Variants in EXO1 observed in about 807,000 individuals in gnomAD.
The protein encoded by EXO1 is exonuclease 1.
A neutral mutation model predicts 84.5 loss-of-function variants in EXO1; 69 were observed. The observed-to-expected ratio is 0.82, with a 90% CI of 0.67 to 1.00. The LOEUF is 1.00. Among genes scored for constraint, EXO1 ranks in the 50% least tolerant of loss-of-function variants. EXO1 has a pLI of 0.00. For missense variants in EXO1, 1,045 were observed against 1,000.7 expected, an observed-to-expected ratio of 1.04 and a Z score of -0.60; for synonymous variants, 373 against 366.1, an observed-to-expected ratio of 1.02 and a Z score of -0.21.
chr1:241,873,752 T>C (rs903556206), intron 12 of EXO1, among the ~76,000 whole-genome samples: 1 of 152,100 alleles, frequency 6.6e-6, no homozygotes, highest in African/African-American at 2.4e-5. Flanking sequence ...GAATACGGTG[T>C]TTTGAGGGCG....
At chr1:241,859,813 A>C (rs1433048714) in intron 8 of EXO1, among the ~76,000 whole-genome samples, 3 of 152,210 alleles carry the variant, frequency 2.0e-5, no homozygotes, top group Non-Finnish European at 4.4e-5. Flanking sequence ...AACATCAAAG[A>C]AGCTCATTTT....
rs1425414134 is a variant in EXO1 at position 241,878,901 on chromosome 1, C to CCTA, written c.1667_1668insCTA (p.Ala556_Arg557insTer). 4 of 1,614,008 alleles carry CCTA rather than the reference C, an allele frequency of 2.5e-6. No homozygotes were observed. The African/African-American group carries it at 5.3e-5, about 22-fold the overall frequency. ...AAGAGACTGGTTGACACAGATGTAG[C>CCTA]ACGTAATTCAAGTGATGACATTCCG... is the stretch of plus-strand genomic sequence containing the variant. On this transcript the variant is annotated stop_gained and inframe_insertion, in exon 13 of 16. Transcript: ENST00000366548. LOFTEE classifies it high-confidence loss of function.
chr1:241,879,310 T>C lies in EXO1; in HGVS notation c.2076T>C (p.Leu692=). The change falls in exon 13 of 16, where the codon CTT becomes CTC. Residue 692 remains leucine (L), a synonymous_variant. Transcript: ENST00000366548. ...TGCAGAGTTCAAATGCATCAAAGCT[T>C]TCTCAGTGCTCTAGTAAGGACTCTG... is the stretch of plus-strand genomic sequence containing the variant. ...FSLQSSNASK[L]SQCSSKDSDS... 6.2e-7 allele frequency: 1 copy of C among 1,605,454 alleles called. No individual in the cohort carries two copies. The highest frequency in any genetic ancestry group is 8.5e-7 in the Non-Finnish European group (1 of 1,176,810).
At chr1:241,861,276 A>G (rs1339448355) in intron 9 of EXO1, 130 bp from the exon 10 acceptor site, 3 of 674,578 alleles carry the variant, frequency 4.4e-6, no homozygotes, top group African/African-American at 3.6e-5. Flanking sequence ...TGATGTATAA[A>G]GTAAGGAGAC....
At chr1:241,875,741 G>A (rs1353203350) in intron 12 of EXO1, among the ~76,000 whole-genome samples, 1 of 152,192 alleles carries the variant, frequency 6.6e-6, no homozygotes, top group South Asian at 2.1e-4. Flanking sequence ...AGCCGGGCGT[G>A]GTGGCGGGCG....
intron 10 of EXO1, among the ~76,000 whole-genome samples, chr1:241,864,405 A>G (rs1441981896): frequency 6.6e-6 from 1 of 152,210 alleles, no homozygotes; most frequent in Non-Finnish European, 1.5e-5. Flanking sequence ...CTTTTGTTTC[A>G]TCTCTGTTTT....
At chr1:241,865,150 G>A (rs1340310470) in intron 10 of EXO1, among the ~76,000 whole-genome samples, 3 of 150,110 alleles carry the variant, frequency 2.0e-5, no homozygotes, top group Non-Finnish European at 4.4e-5. Flanking sequence ...GGTTACACAT[G>A]TGGAGCCACC....
intron 11 of EXO1, among the ~76,000 whole-genome samples, chr1:241,871,135 C>G (rs556016445): frequency 6.6e-6 from 1 of 152,308 alleles, no homozygotes; most frequent in South Asian, 2.1e-4. Context: ...GTTGGGGACC[C>G]TGGAACACTT....
chr1:241,859,939 A>G (rs1479229358), intron 8 of EXO1, among the ~76,000 whole-genome samples: 1 of 152,190 alleles, frequency 6.6e-6, no homozygotes, highest in Non-Finnish European at 1.5e-5. Context: ...ATGTAATGGA[A>G]AGATCTCTAG....
chr1:241,874,241 G>C (rs377461400), intron 12 of EXO1, among the ~76,000 whole-genome samples: 4 of 152,100 alleles, frequency 2.6e-5, no homozygotes, highest in African/African-American at 9.7e-5. Context: ...CTTCCTAAAA[G>C]TACAAAACCT....
At chr1:241,882,719 A>G (rs1401007606) in intron 14 of EXO1, among the ~76,000 whole-genome samples, 1 of 152,168 alleles carries the variant, frequency 6.6e-6, no homozygotes, top group South Asian at 2.1e-4. Context: ...CATTTGTTTA[A>G]CCGTATGTTT....
intron 12 of EXO1, 86 bp downstream of exon 12, chr1:241,872,364 A>G: frequency 7.0e-7 from 1 of 1,427,684 alleles, no homozygotes; most frequent in South Asian, 1.2e-5. Context: ...GAATTAATTT[A>G]TTTATTATAC....
At chr1:241,869,819 C>A (rs1418373320) in intron 11 of EXO1, among the ~76,000 whole-genome samples, 1 of 140,154 alleles carries the variant, frequency 7.1e-6, no homozygotes, top group African/African-American at 2.7e-5. Flanking sequence ...TCCCTCCTTC[C>A]TTCCTTCCTT....
rs1410113071 is a variant in EXO1 at position 241,850,274 on chromosome 1, C to T, written c.-17-135C>T. On this transcript the variant is annotated intron_variant, in intron 3 of 15. Coordinates refer to ENST00000366548, the MANE Select transcript of EXO1 (RefSeq NM_130398.4). The stretch of plus-strand genomic sequence containing the variant: ...CCTCCTGGGCGAAAGAGCGAGACTC[C>T]GTCTCAAAAAAAAAAAAAAACAACA... 95 of 611,508 alleles carry T rather than the reference C, an allele frequency of 1.6e-4. No individual in the cohort carries two copies. The Middle Eastern group carries it at 2.2e-3, about 14-fold the overall frequency. 37.9% of individuals were successfully genotyped at this position (611,508 alleles called of 1,614,324 possible).
At chr1:241,863,379 A>G (rs2298938) in intron 10 of EXO1, among the ~76,000 whole-genome samples, 11,694 of 150,998 alleles carry the variant, frequency 0.077, 714 homozygotes, top group Admixed American at 0.19. Context: ...AAGGATTAGT[A>G]GAGTTTTTCA....
Position 241,879,305 on chromosome 1 carries a change from A to T in EXO1, c.2071A>T (p.Lys691Ter), listed in dbSNP as rs753212396. 1 of 1,605,536 alleles carries T rather than the reference A, an allele frequency of 6.2e-7. No homozygotes were observed. Among genetic ancestry groups the T allele is most frequent in the East Asian group, 2.2e-5 (1 of 44,860 alleles). The change falls in exon 13 of 16, where the codon AAG becomes TAG. Residue 691 changes from lysine to a stop codon, truncating the protein, a stop_gained. Coordinates refer to ENST00000366548, the MANE Select transcript of EXO1 (RefSeq NM_130398.4). LOFTEE classifies it high-confidence loss of function. ...CTCACTGCAGAGTTCAAATGCATCAAAGCTTTCTCAGTGCTCTAGTAAGGA... is the reference window on the plus strand; with the variant it reads ...CTCACTGCAGAGTTCAAATGCATCATAGCTTTCTCAGTGCTCTAGTAAGGA... ...EFSLQSSNAS[K>*]LSQCSSKDSD...
intron 12 of EXO1, among the ~76,000 whole-genome samples, chr1:241,874,766 A>G (rs1662294708): frequency 6.6e-6 from 1 of 152,242 alleles, no homozygotes; most frequent in African/African-American, 2.4e-5. Flanking sequence ...GGATTAAATG[A>G]GTTACTATCA....
chr1:241,888,275 A>G (rs955797734), intron 15 of EXO1, among the ~76,000 whole-genome samples: 7 of 152,194 alleles, frequency 4.6e-5, no homozygotes, highest in African/African-American at 7.2e-5. Flanking sequence ...AAGTATACCA[A>G]AGGGTTGAGA....
At position 241,879,062 on chromosome 1, in the gene EXO1, A is replaced by C. The variant is rs12122770; in HGVS notation, c.1828A>C (p.Ser610Arg). Residue 610 changes from serine (S) to arginine (R), a missense_variant, in exon 13 of 16, where the codon AGT (serine) becomes CGT (arginine). Physicochemically the swap from Ser to Arg is moderately radical, Grantham distance 110. Coordinates refer to ENST00000366548, the MANE Select transcript of EXO1 (RefSeq NM_130398.4). The stretch of plus-strand genomic sequence containing the variant: ...TTTGGGAACACTAAGAAGTTGTTTT[A>C]GTTGGTCTGGAGGTCTTGGAGATTT... ...PTLGTLRSCFSWSGGLGDFSR... is the reference protein window; with the variant it reads ...PTLGTLRSCFRWSGGLGDFSR... 8.1e-6 allele frequency: 13 copies of C among 1,614,110 alleles called. No homozygotes were observed. Among genetic ancestry groups the C allele is most frequent in the Non-Finnish European group, 1.1e-5 (13 of 1,180,042 alleles).
Sources: allele counts gnomAD v4.1 joint callset (sites outside exome capture counted in the v4.1 genomes callset), GRCh38; gene constraint gnomAD v4.1.1; transcripts MANE v1.5; gene names NCBI Gene and HGNC (gene_info 2026-07-23, HGNC 2026-07-21).